The following MUS81 variants were observed in gnomAD, a reference collection of about 807,000 sequenced individuals.
The protein encoded by MUS81 is MUS81 structure-specific endonuclease subunit.
MUS81 carries 69 observed loss-of-function variants against 74.2 expected under a neutral mutation model. That is an observed-to-expected ratio of 0.93 (90% CI 0.77 to 1.14). The LOEUF (loss-of-function observed/expected upper bound fraction) is 1.14. MUS81 is among the 50% of genes most tolerant of loss of function. The pLI is 0.00. For synonymous variants in MUS81, 303 were observed against 300.6 expected, an observed-to-expected ratio of 1.01 and a Z score of -0.08; for missense variants, 711 against 726.5, an observed-to-expected ratio of 0.98 and a Z score of 0.25.
chr11:65,861,786 A>T, intron 3 of MUS81, 161 bp from the exon 4 acceptor site: 1 of 663,058 alleles, frequency 1.5e-6, no homozygotes, highest in Non-Finnish European at 2.6e-6. Flanking sequence ...CTGCTGTTTT[A>T]TCCCAGATTT....
At chr11:65,864,417 T>G in intron 10 of MUS81, 80 bp from the exon 11 acceptor site, 3 of 1,302,870 alleles carry the variant, frequency 2.3e-6, no homozygotes, top group Non-Finnish European at 3.3e-6. Context: ...CCCGGCACCA[T>G]TTTGAGTGTG....
In MUS81 at chr11:65,863,072, T is replaced by C. The variant is rs1388483256; in HGVS notation, c.613T>C (p.Leu205=). Residue 205 remains leucine (L), a synonymous_variant, in exon 7 of 16, where the codon TTG becomes CTG. Transcript: ENST00000308110. The stretch of plus-strand genomic sequence containing the variant: ...GTCCCCTCTGCCTCCCAGGTACTCA[T>C]TGACCCCAGAGGGCCTGGAGCTGGC... ...LRTHQPARYS[L]TPEGLELAQK... is the part of the protein sequence containing the mutation. 5 of 1,614,076 alleles carry C rather than the reference T, an allele frequency of 3.1e-6. No homozygotes were observed. Among genetic ancestry groups the C allele is most frequent in the South Asian group, 2.2e-5 (2 of 91,086 alleles).
At chr11:65,866,752 G>GC (rs201135561), downstream of MUS81, 41 of 889,420 alleles carry the variant, frequency 4.6e-5, no homozygotes, top group Admixed American at 3.2e-4. Context: ...AACTTGGCCT[G>GC]CCCCCCCAAG....
upstream of MUS81, chr11:65,860,098 G>T: frequency 8.3e-6 from 3 of 360,090 alleles, no homozygotes; most frequent in South Asian, 5.8e-5. Flanking sequence ...CTGTATCCCG[G>T]GGATGAGGAT....
chr11:65,860,497 G>A lies in MUS81; in HGVS notation c.-257G>A. ...GGGCGCGTCTCAAAGGCTGGCTGGAGTGGAGCCAAGGGAAAAGATCGTTAG... is the reference window on the plus strand; with the variant it reads ...GGGCGCGTCTCAAAGGCTGGCTGGAATGGAGCCAAGGGAAAAGATCGTTAG... On this transcript the variant is annotated 5_prime_UTR_variant, in exon 1 of 16. It adds an upstream start codon to the 5' untranslated region. Transcript: ENST00000308110. The A allele has an allele frequency of 1.7e-6, 1 of 581,328 alleles. No homozygotes were observed. The highest frequency in any genetic ancestry group is 3.1e-6 in the Non-Finnish European group (1 of 323,396). 36.0% of individuals were successfully genotyped at this position (581,328 alleles called of 1,614,324 possible).
rs755568358 is a variant in MUS81 at position 65,864,160 on chromosome 11, G to A, written c.1059+259G>A. On this transcript the variant is annotated intron_variant, in intron 10 of 15. Transcript: ENST00000308110. ...TGGGTACCCAGCCCCTGCAGTCTTG[G>A]ATAAACAAGGCATAAACCTCCAGGA... 284 of 591,750 alleles carry A rather than the reference G, an allele frequency of 4.8e-4. 2 individuals carry two copies. The highest frequency in any genetic ancestry group is 2.9e-3 in the South Asian group (142 of 49,800). The allele number at this position is 591,750 out of a possible 1,614,324, so 36.7% of individuals were successfully genotyped here. A position where few individuals can be genotyped will look rare whatever the true frequency, so the allele number is the denominator to read the frequency against.
chr11:65,866,564 G>C (rs1271600683), downstream of MUS81: 15 of 702,778 alleles, frequency 2.1e-5, no homozygotes, highest in Admixed American at 2.8e-4. Flanking sequence ...TGTCCAGAGT[G>C]GAGTTTCTTA....
In MUS81 at chr11:65,860,774, G is replaced by A. The variant is rs964407630; in HGVS notation, c.21G>A (p.Leu7=). The change falls in exon 1 of 16, where the codon CTG becomes CTA. Residue 7 remains leucine, a synonymous_variant. Coordinates refer to ENST00000308110, the MANE Select transcript of MUS81 (RefSeq NM_025128.5). MAAPVR[L]GRKRPLPACP... ...GGCTCATGGCGGCCCCGGTCCGCCT[G>A]GGCCGGAAGCGCCCGCTGCCTGCCT... 9 of 1,536,014 alleles carry A rather than the reference G, an allele frequency of 5.9e-6. No individual in the cohort carries two copies. The African/African-American group carries it at 1.2e-4, about 21-fold the overall frequency.
upstream of MUS81, chr11:65,860,042 C>T (rs1859524173): frequency 1.1e-5 from 3 of 274,192 alleles, no homozygotes; most frequent in South Asian, 3.0e-5. Flanking sequence ...TATTTTGGGC[C>T]TTCTCGGCAC....
Position 65,861,115 on chromosome 11 carries a change from G to A in MUS81, c.265+13G>A, listed in dbSNP as rs1165106792. On this transcript the variant is annotated intron_variant, in intron 2 of 15. Coordinates refer to ENST00000308110, the MANE Select transcript of MUS81 (RefSeq NM_025128.5). ...CGAACATCGGGCGGTGAGCGCCTCG[G>A]AAAGGGGTCGGTGATCCCCCACCTC... is the stretch of plus-strand genomic sequence containing the variant. 1.9e-6 allele frequency: 3 copies of A among 1,611,978 alleles called. No individual in the cohort carries two copies. The highest frequency in any genetic ancestry group is 4.5e-5 in the East Asian group (2 of 44,894).
rs148855695 is a variant in MUS81, at chr11:65,863,646, G to A, written c.886G>A (p.Val296Met). Reference sequence around the variant, plus strand: ...GCTCCGAGAGCTACAGCGGCTGCACGTGACCCACACGGTGCGCAAGCTGCA... The same window carrying A: ...GCTCCGAGAGCTACAGCGGCTGCACATGACCCACACGGTGCGCAAGCTGCA... Reference protein sequence around the residue: ...ELLRELQRLHVTHTVRKLHVG... With the variant: ...ELLRELQRLHMTHTVRKLHVG... The change falls in exon 9 of 16, where the codon GTG becomes ATG. Residue 296 changes from valine (V) to methionine (M), a missense_variant. Transcript: ENST00000308110. 42 of 1,613,954 alleles carry A rather than the reference G, an allele frequency of 2.6e-5. No homozygotes were observed. The highest frequency in any genetic ancestry group is 8.0e-5 in the African/African-American group (6 of 74,906).
chr11:65,865,503 T>TC (rs1859795898), intron 14 of MUS81, 180 bp downstream of exon 14: 1 of 680,642 alleles, frequency 1.5e-6, no homozygotes, highest in Non-Finnish European at 2.4e-6. Context: ...CCACATAGTG[T>TC]CCCAGGTAGT....
Position 65,861,016 on chromosome 11 carries a change from G to T in MUS81, c.179G>T (p.Gly60Val), listed in dbSNP as rs779298802. ...LRRYPLPLRS[G>V]KEAKILQHFG... ...CGGTACCCACTGCCGCTGCGCAGCG[G>T]GAAGGAAGCTAAGATCCTACAGCAC... The change falls in exon 2 of 16, where the codon GGG becomes GTG. Residue 60 changes from glycine to valine, a missense_variant. Coordinates refer to ENST00000308110, the MANE Select transcript of MUS81 (RefSeq NM_025128.5). 2.5e-6 allele frequency: 4 copies of T among 1,612,530 alleles called. No individual in the cohort carries two copies. In the African/African-American group the frequency reaches 5.3e-5, roughly 22 times the overall value.
chr11:65,864,601 CACCA>C lies in MUS81; in HGVS notation c.1167_1170del (p.Asn390LeufsTer9). On this transcript the variant is annotated frameshift_variant, in exon 11 of 16. Coordinates refer to ENST00000308110, the MANE Select transcript of MUS81 (RefSeq NM_025128.5). LOFTEE classifies it high-confidence loss of function. ...CTGAGAGCACACTGCTGCAGGCTGT[CACCA>C]ACACTCAGGTGAGCTGGGAGGGCAG... The C allele has an allele frequency of 6.2e-7, 1 of 1,614,084 alleles. No homozygotes were observed. Among genetic ancestry groups the C allele is most frequent in the Non-Finnish European group, 8.5e-7 (1 of 1,179,976 alleles).
downstream of MUS81, chr11:65,867,394 A>C (rs1191930385): frequency 4.0e-6 from 2 of 495,606 alleles, no homozygotes; most frequent in Non-Finnish European, 7.4e-6. Flanking sequence ...CAAAGTGAGC[A>C]GACTCCCTTC....
At position 65,865,341 on chromosome 11, in the gene MUS81, C is replaced by T. The variant is rs1859788159; in HGVS notation, c.1505+18C>T. The T allele has an allele frequency of 1.9e-6, 3 of 1,606,424 alleles. No homozygotes were observed. Among genetic ancestry groups the T allele is most frequent in the African/African-American group, 1.3e-5 (1 of 74,874 alleles). On this transcript the variant is annotated intron_variant, in intron 14 of 15. Coordinates refer to ENST00000308110, the MANE Select transcript of MUS81 (RefSeq NM_025128.5). ...CCTGCCAGGTAGGCCCTAAAGGGCC[C>T]TTAGGTGTCCTCAGCCCCTGCCCTC...
downstream of MUS81, chr11:65,866,938 C>T: frequency 6.2e-7 from 1 of 1,614,154 alleles, no homozygotes; most frequent in Non-Finnish European, 8.5e-7. Context: ...TAGGCCCCTA[C>T]AAAGACGGTG....
chr11:65,861,563 T>C, intron 3 of MUS81, 128 bp downstream of exon 3: 1 of 713,044 alleles, frequency 1.4e-6, no homozygotes, highest in Non-Finnish European at 2.3e-6. Context: ...AAATGACTTA[T>C]CCTCTTTTCG....
At position 65,865,793 on chromosome 11, in the gene MUS81, CA is replaced by C; in HGVS notation, c.1506-15del. The C allele has an allele frequency of 6.2e-7, 1 of 1,612,766 alleles. No homozygotes were observed. On this transcript the variant is annotated splice_polypyrimidine_tract_variant and intron_variant, in intron 14 of 15. Coordinates refer to ENST00000308110, the MANE Select transcript of MUS81 (RefSeq NM_025128.5). ...TGGGCCACTGTCAGCCTCAGAAACT[CA>C]AACCCCTGCCCCCCAGCCTCCTGGC...
Sources: gnomAD v4.1 joint callset for allele counts on GRCh38, gnomAD v4.1.1 for gene constraint, MANE v1.5 for transcripts, NCBI Gene and HGNC (gene_info 2026-07-23, HGNC 2026-07-21) for gene names.